NBEAL1: variants seen among roughly 807,000 people sequenced by gnomAD.
NBEAL1 encodes the protein neurobeachin like 1, also known as neurobeachin-like protein 1.
Under a neutral mutation model 351.3 loss-of-function variants are expected in NBEAL1, and 273 were observed. That is an observed-to-expected ratio of 0.78 (90% CI 0.70 to 0.86). The LOEUF (loss-of-function observed/expected upper bound fraction) is 0.86, where lower values mean the gene tolerates loss of function less well. Among genes scored for constraint, NBEAL1 ranks in the 40% least tolerant of loss-of-function variants. The pLI, the probability that NBEAL1 is intolerant of heterozygous loss-of-function variation, is 0.00. For synonymous variants in NBEAL1, 1,050 were observed against 1,086.4 expected, an observed-to-expected ratio of 0.97 and a Z score of 0.66; for missense variants, 2,961 against 3,201.3, an observed-to-expected ratio of 0.92 and a Z score of 1.81.
At chr2:203,052,673 T>C (rs1031040490) in intron 4 of NBEAL1, among the ~76,000 whole-genome samples, 3 of 152,142 alleles carry the variant, frequency 2.0e-5, no homozygotes, top group Non-Finnish European at 4.4e-5. Flanking sequence ...TCTTTCCACC[T>C]TAGCCTCTGA....
In NBEAL1 at chr2:203,221,968, C is replaced by G. The variant is rs2065958519; in HGVS notation, c.*4614C>G. Among the ~76,000 whole-genome samples the G allele has an allele frequency of 6.6e-6, 1 of 152,106 alleles. No individual in the cohort carries two copies. Among genetic ancestry groups the G allele is most frequent in the Non-Finnish European group, 1.5e-5 (1 of 68,022 alleles). ...CTTTAGGAGGCTGAGGCAGGAGGATCACTGGAGCCTAGGAGCTCAAGACCA... is the reference window on the plus strand; with the variant it reads ...CTTTAGGAGGCTGAGGCAGGAGGATGACTGGAGCCTAGGAGCTCAAGACCA... On this transcript the variant is annotated 3_prime_UTR_variant, in exon 56 of 56. Coordinates refer to ENST00000683969, the MANE Select transcript of NBEAL1 (RefSeq NM_001378026.1).
At chr2:203,115,442 GT>G (rs987747241) in intron 17 of NBEAL1, among the ~76,000 whole-genome samples, 1 of 151,972 alleles carries the variant, frequency 6.6e-6, no homozygotes, top group African/African-American at 2.4e-5. Context: ...ATTTTTGTTT[GT>G]TTTTGTTTTT....
intron 51 of NBEAL1, among the ~76,000 whole-genome samples, chr2:203,205,908 G>A (rs1226899922): frequency 6.6e-6 from 1 of 152,236 alleles, no homozygotes; most frequent in Non-Finnish European, 1.5e-5. Flanking sequence ...GTAGCAGAGT[G>A]TCAAGGGGAA....
chr2:203,115,542 C>CT (rs1226850061), intron 17 of NBEAL1, among the ~76,000 whole-genome samples: 1 of 151,930 alleles, frequency 6.6e-6, no homozygotes, highest in African/African-American at 2.4e-5. Context: ...CTTGAGTGAT[C>CT]TCTCACCTCC....
chr2:203,210,650 C>T (rs1268811918), intron 53 of NBEAL1, among the ~76,000 whole-genome samples: 9 of 152,110 alleles, frequency 5.9e-5, no homozygotes, highest in Admixed American at 5.9e-4. Flanking sequence ...GGTGACAGAA[C>T]GAGGCTCCAT....
intron 10 of NBEAL1, among the ~76,000 whole-genome samples, chr2:203,089,810 A>G (rs1294461315): frequency 6.6e-6 from 1 of 152,212 alleles, no homozygotes; most frequent in Admixed American, 6.5e-5. Context: ...GACATCGTGG[A>G]TGTTGCAGTA....
At chr2:203,214,275 T>A (rs182113411) in intron 55 of NBEAL1, among the ~76,000 whole-genome samples, 32 of 152,378 alleles carry the variant, frequency 2.1e-4, no homozygotes, top group South Asian at 1.4e-3. Context: ...TAAATTTTTT[T>A]AAGTCACTGT....
chr2:203,036,521 A>G (rs908916478), intron 2 of NBEAL1, among the ~76,000 whole-genome samples: 5 of 149,198 alleles, frequency 3.4e-5, no homozygotes, highest in African/African-American at 1.2e-4. Flanking sequence ...CAAATTATAC[A>G]TCTTTAGAAC....
At chr2:203,168,377 G>T (rs2064204404) in intron 38 of NBEAL1, among the ~76,000 whole-genome samples, 1 of 152,042 alleles carries the variant, frequency 6.6e-6, no homozygotes, top group Non-Finnish European at 1.5e-5. Context: ...CCTGAAGTCA[G>T]GAGTTCGAGA....
At chr2:203,117,965 A>G (rs972758279) in intron 18 of NBEAL1, among the ~76,000 whole-genome samples, 2 of 152,116 alleles carry the variant, frequency 1.3e-5, no homozygotes, top group Non-Finnish European at 2.9e-5. Context: ...TTGGGATTAC[A>G]GGAATGAGCC....
intron 6 of NBEAL1, among the ~76,000 whole-genome samples, chr2:203,060,411 A>G (rs1182054102): frequency 6.6e-6 from 1 of 152,166 alleles, no homozygotes; most frequent in Non-Finnish European, 1.5e-5. Flanking sequence ...AACTTGCCAC[A>G]TGAGGCCAGT....
chr2:203,208,963 G>A (rs2065691942), intron 52 of NBEAL1, among the ~76,000 whole-genome samples, 198 bp from the exon 53 acceptor site: 1 of 152,168 alleles, frequency 6.6e-6, no homozygotes. Context: ...TTATTTAAGG[G>A]AAGAGGACAT....
At chr2:203,098,414 AG>A (rs1006413875) in intron 11 of NBEAL1, among the ~76,000 whole-genome samples, 1 of 152,162 alleles carries the variant, frequency 6.6e-6, no homozygotes, top group African/African-American at 2.4e-5. Context: ...ATATTGTTTT[AG>A]ATTTCTGTAT....
intron 27 of NBEAL1, 130 bp downstream of exon 27, chr2:203,133,276 A>T (rs548428456): frequency 4.6e-6 from 2 of 434,630 alleles, no homozygotes; most frequent in Admixed American, 8.7e-5. Context: ...ATAAGTAAAC[A>T]ATTTTCTTTT....
rs550459486 is a variant in NBEAL1 at position 203,199,159 on chromosome 2, A to G, written c.7129-179A>G. On this transcript the variant is annotated intron_variant, in intron 48 of 55. Coordinates refer to ENST00000683969, the MANE Select transcript of NBEAL1 (RefSeq NM_001378026.1). ...CCTGGCTCCAAAAATAAAAGATAAA[A>G]AAAGAGCTTTTTCTGTTTGAGTTAT... 3.9e-5 allele frequency among the ~76,000 whole-genome samples: 6 copies of G among 152,314 alleles called. No homozygotes were observed. The East Asian group carries it at 1.2e-3, about 29-fold the overall frequency.
chr2:203,048,882 C>CTT (rs71408913), intron 3 of NBEAL1, among the ~76,000 whole-genome samples: 3 of 143,612 alleles, frequency 2.1e-5, no homozygotes, highest in Admixed American at 6.9e-5. Flanking sequence ...TCTACATTTC[C>CTT]TTTTTTTTTT....
At chr2:203,217,141 A>C in intron 55 of NBEAL1, 112 bp from the exon 56 acceptor site, 1 of 752,362 alleles carries the variant, frequency 1.3e-6, no homozygotes, top group Non-Finnish European at 1.9e-6. Flanking sequence ...AAGTGTTAAT[A>C]ATTCTGCTAA....
At chr2:203,054,811 G>A (rs553671289) in intron 4 of NBEAL1, among the ~76,000 whole-genome samples, 1 of 152,224 alleles carries the variant, frequency 6.6e-6, no homozygotes, top group East Asian at 1.9e-4. Flanking sequence ...GAATGATTGA[G>A]CTGACTTGGA....
At chr2:203,077,875 A>G (rs932469499) in intron 8 of NBEAL1, 38 bp downstream of exon 8, 1 of 1,164,144 alleles carries the variant, frequency 8.6e-7, no homozygotes, top group Non-Finnish European at 1.2e-6. Context: ...TAAAATTATA[A>G]TTAACAGTGC....
Sources: gnomAD v4.1 joint callset for allele counts (sites outside exome capture counted in the v4.1 genomes callset) on GRCh38, gnomAD v4.1.1 for gene constraint, MANE v1.5 for transcripts, NCBI Gene and HGNC (gene_info 2026-07-23, HGNC 2026-07-21) for gene names.